The following AGAP1 variants were observed in gnomAD, a reference collection of about 807,000 sequenced individuals.
AGAP1 encodes the protein ArfGAP with GTPase domain, ankyrin repeat and PH domain 1, also known as arf-GAP with GTPase, ANK repeat and PH domain-containing protein 1.
A neutral mutation model predicts 105.3 loss-of-function variants in AGAP1; 29 were observed. The observed-to-expected ratio is 0.28, with a 90% confidence interval of 0.21 to 0.38. AGAP1 has a LOEUF of 0.38. AGAP1 is among the 10% of genes least tolerant of loss of function. The pLI is 1.00. For missense variants in AGAP1, 998 were observed against 1,165.1 expected, an observed-to-expected ratio of 0.86 and a Z score of 2.09; for synonymous variants, 509 against 485.9, an observed-to-expected ratio of 1.05 and a Z score of -0.63.
chr2:236,022,775 TCCGCCC>T (rs1420072799), intron 13 of AGAP1, among the ~76,000 whole-genome samples: 2 of 152,152 alleles, frequency 1.3e-5, no homozygotes, highest in Non-Finnish European at 2.9e-5. Flanking sequence ...CCTCAAGGGA[TCCGCCC>T]CCACCCCAGG....
chr2:235,738,863 T>C (rs1240692665), intron 3 of AGAP1, among the ~76,000 whole-genome samples: 1 of 152,166 alleles, frequency 6.6e-6, no homozygotes, highest in South Asian at 2.1e-4. Flanking sequence ...CAGCCTTAAA[T>C]GTTATTTTTC....
intron 9 of AGAP1, chr2:235,852,758 T>C: frequency 3.3e-6 from 5 of 1,536,526 alleles, no homozygotes; most frequent in Middle Eastern, 1.7e-4. Flanking sequence ...TGCCCGTCAG[T>C]CCTCCCCCTG....
Position 235,557,578 on chromosome 2 carries a change from A to G in AGAP1, c.163+62729A>G, listed in dbSNP as rs1021112218. On this transcript the variant is annotated intron_variant, in intron 1 of 17. Coordinates refer to ENST00000304032, the MANE Select transcript of AGAP1 (RefSeq NM_001037131.3). The surrounding 1 kb of genome is among the most constrained non-coding windows in gnomAD (Gnocchi z 4.7). ...TTTATTGGCCTTTTTTTCTGTGCCA[A>G]TAACTCTCAGTGCTTAACCTGAAGA... is the stretch of plus-strand genomic sequence containing the variant. Among the ~76,000 whole-genome samples, 9 of 152,212 alleles carry G rather than the reference A, an allele frequency of 5.9e-5. No individual in the cohort carries two copies. Among genetic ancestry groups the G allele is most frequent in the East Asian group, 3.8e-4 (2 of 5,202 alleles).
rs1210292914 is a variant in AGAP1, at chr2:236,082,376, C to T, written c.2114+33095C>T. ...ACCCCCAGCTCAGCTCTTCCAGCTG[C>T]GACCAGCAGGGTCATTAATTAGGCA... is the stretch of plus-strand genomic sequence containing the variant. On this transcript the variant is annotated intron_variant, in intron 16 of 17. Coordinates refer to ENST00000304032, the MANE Select transcript of AGAP1 (RefSeq NM_001037131.3). The surrounding 1 kb of genome is among the most constrained non-coding windows in gnomAD (Gnocchi z 4.2). Among the ~76,000 whole-genome samples, 1 of 152,200 alleles carries T rather than the reference C, an allele frequency of 6.6e-6. No homozygotes were observed. Among genetic ancestry groups the T allele is most frequent in the Non-Finnish European group, 1.5e-5 (1 of 68,028 alleles).
rs1003902471 is a variant in AGAP1 at position 235,724,111 on chromosome 2, G to T, written c.310+6467G>T. 2.6e-5 allele frequency among the ~76,000 whole-genome samples: 4 copies of T among 152,224 alleles called. No individual in the cohort carries two copies. Among genetic ancestry groups the T allele is most frequent in the Non-Finnish European group, 5.9e-5 (4 of 68,048 alleles). On this transcript the variant is annotated intron_variant, in intron 3 of 17. Transcript: ENST00000304032. This position sits in a 1 kb window ranked among gnomAD's most constrained non-coding sequence, Gnocchi z 4.9. The stretch of plus-strand genomic sequence containing the variant: ...CCCGGGTCTTCATGAGCTTAATTCA[G>T]CAGGGGCTCCTTCCTTCAGTGATGG...
chr2:235,932,826 C>G (rs2052787284), intron 12 of AGAP1, among the ~76,000 whole-genome samples: 1 of 152,234 alleles, frequency 6.6e-6, no homozygotes, highest in African/African-American at 2.4e-5. Flanking sequence ...CTTTCCAGAG[C>G]CTCCGTTTGG....
Position 235,891,202 on chromosome 2 carries a change from C to G in AGAP1, c.1155+7753C>G, listed in dbSNP as rs2050523697. 6.6e-6 allele frequency among the ~76,000 whole-genome samples: 1 copy of G among 152,180 alleles called. No homozygotes were observed. The highest frequency in any genetic ancestry group is 1.9e-4 in the East Asian group (1 of 5,192). ...GCTGCAGTACTGACCGCCCTAACAG[C>G]TCCTTTATCTCCACTTCGCATTTTG... is the stretch of plus-strand genomic sequence containing the variant. On this transcript the variant is annotated intron_variant, in intron 10 of 17. Coordinates refer to ENST00000304032, the MANE Select transcript of AGAP1 (RefSeq NM_001037131.3). The surrounding 1 kb of genome is among the most constrained non-coding windows in gnomAD (Gnocchi z 4.2).
chr2:236,029,576 G>A (rs1022278707), intron 13 of AGAP1, among the ~76,000 whole-genome samples: 29 of 152,040 alleles, frequency 1.9e-4, no homozygotes, highest in African/African-American at 7.0e-4. Flanking sequence ...GTGAGCCACT[G>A]TGCCTGGCCC....
chr2:235,730,932 C>T (rs958855776), intron 3 of AGAP1, among the ~76,000 whole-genome samples: 5 of 152,074 alleles, frequency 3.3e-5, no homozygotes, highest in Non-Finnish European at 5.9e-5. Context: ...CCGTTTTCTC[C>T]GAGAGGTGCA....
At chr2:235,588,309 TC>T (rs1945197667) in intron 1 of AGAP1, among the ~76,000 whole-genome samples, 1 of 152,056 alleles carries the variant, frequency 6.6e-6, no homozygotes, top group African/African-American at 2.4e-5. Flanking sequence ...GGAAGTTAGT[TC>T]TCAGGATCCA....
In AGAP1 at chr2:235,960,175, C is replaced by T. The variant is rs1048854623; in HGVS notation, c.1484-8287C>T. 3.3e-5 allele frequency among the ~76,000 whole-genome samples: 5 copies of T among 152,156 alleles called. No homozygotes were observed. The highest frequency in any genetic ancestry group is 3.2e-3 in the Middle Eastern group (1 of 316). On this transcript the variant is annotated intron_variant, in intron 12 of 17. Transcript: ENST00000304032. This position sits in a 1 kb window ranked among gnomAD's most constrained non-coding sequence, Gnocchi z 4.9. ...CGGCCCTGTAAGCAGCAGATCAGAG[C>T]GTGGGCTGGTGCTGCTTCCAGGATC...
Position 235,747,396 on chromosome 2 carries a change from C to T in AGAP1, c.538+2557C>T, listed in dbSNP as rs988726187. 2.6e-5 allele frequency among the ~76,000 whole-genome samples: 4 copies of T among 152,104 alleles called. No individual in the cohort carries two copies. The highest frequency in any genetic ancestry group is 4.8e-5 in the African/African-American group (2 of 41,426). On this transcript the variant is annotated intron_variant, in intron 5 of 17. Coordinates refer to ENST00000304032, the MANE Select transcript of AGAP1 (RefSeq NM_001037131.3). This position sits in a 1 kb window ranked among gnomAD's most constrained non-coding sequence, Gnocchi z 5.0. ...GGCCCCAGGGGAGTGTGTGCGTGTG[C>T]GAGGGTGGCCTCTGGGGTTGGGAGG...
rs546526064 is a variant in AGAP1 at position 235,639,063 on chromosome 2, A to G, written c.164-70116A>G. On this transcript the variant is annotated intron_variant, in intron 1 of 17. Coordinates refer to ENST00000304032, the MANE Select transcript of AGAP1 (RefSeq NM_001037131.3). The surrounding 1 kb of genome is among the most constrained non-coding windows in gnomAD (Gnocchi z 5.3). The stretch of plus-strand genomic sequence containing the variant: ...AGGGGTGGAGAGAAGGGGACAAAAG[A>G]GTCTTAGAGCCATTTGAGAGGGAGC... 1.3e-5 allele frequency among the ~76,000 whole-genome samples: 2 copies of G among 152,242 alleles called. No homozygotes were observed. The highest frequency in any genetic ancestry group is 2.1e-4 in the South Asian group (1 of 4,820).
intron 9 of AGAP1, among the ~76,000 whole-genome samples, chr2:235,846,430 G>A (rs923399593): frequency 4.0e-5 from 6 of 151,296 alleles, no homozygotes; most frequent in Admixed American, 2.0e-4. Context: ...CAGTTCAAGC[G>A]ATTATTCTGC....
intron 13 of AGAP1, among the ~76,000 whole-genome samples, chr2:235,978,900 G>C (rs2054970117): frequency 6.6e-6 from 1 of 151,908 alleles, no homozygotes. Context: ...TGCACACTCT[G>C]ATACGTTTTT....
chr2:235,784,239 A>G (rs1353710676), intron 6 of AGAP1, among the ~76,000 whole-genome samples: 2 of 152,176 alleles, frequency 1.3e-5, no homozygotes, highest in East Asian at 1.9e-4. Context: ...TCACAAGTAG[A>G]AGTGTACAGT....
intron 1 of AGAP1, among the ~76,000 whole-genome samples, chr2:235,682,102 TGG>T (rs1383730372): frequency 6.6e-6 from 1 of 151,980 alleles, no homozygotes; most frequent in African/African-American, 2.4e-5. Context: ...CCACGCATCT[TGG>T]CCTCCCAAAG....
intron 1 of AGAP1, among the ~76,000 whole-genome samples, chr2:235,525,394 GAC>G (rs10532782): frequency 0.69 from 100,860 of 145,346 alleles, 34,989 homozygotes; most frequent in Admixed American, 0.75. Context: ...GTAGAGGACT[GAC>G]ACATAATGTG....
At chr2:235,925,499 C>G (rs533501392) in intron 11 of AGAP1, among the ~76,000 whole-genome samples, 2 of 152,248 alleles carry the variant, frequency 1.3e-5, no homozygotes, top group Admixed American at 6.5e-5. Flanking sequence ...GCAGACCCCA[C>G]GCACCTTGCA....
Sources: allele counts gnomAD v4.1 joint callset (sites outside exome capture counted in the v4.1 genomes callset), GRCh38; gene constraint gnomAD v4.1.1; non-coding constraint Gnocchi (gnomAD v3.1); transcripts MANE v1.5; gene names NCBI Gene and HGNC (gene_info 2026-07-23, HGNC 2026-07-21).